GNB5: variants seen among roughly 807,000 people sequenced by gnomAD.
The protein encoded by GNB5 is G protein subunit beta 5.
A neutral mutation model predicts 55.3 loss-of-function variants in GNB5; 37 were observed. The ratio of observed to expected loss-of-function variants is 0.67; its 90% CI spans 0.51 to 0.88. The LOEUF is 0.88. Among genes scored for constraint, GNB5 ranks in the 40% least tolerant of loss-of-function variants. The probability of loss-of-function intolerance (pLI) is 0.00; values close to 1 mark genes in which losing one functional copy is unlikely to be tolerated. For synonymous variants in GNB5, 219 were observed against 198.5 expected (o/e 1.10, Z -0.87); for missense variants, 476 against 515.3 (o/e 0.92, Z 0.74).
chr15:52,162,556 A>G (rs1253066109), intron 3 of GNB5, among the ~76,000 whole-genome samples: 2 of 152,360 alleles, frequency 1.3e-5, no homozygotes, highest in African/African-American at 4.8e-5. Flanking sequence ...CTTAAATAGC[A>G]AAACAAAACT....
intron 3 of GNB5, among the ~76,000 whole-genome samples, chr15:52,163,527 C>T (rs948866608): frequency 2.6e-5 from 4 of 152,214 alleles, no homozygotes; most frequent in African/African-American, 9.7e-5. Flanking sequence ...CTCTGCAGCT[C>T]AAGTAGGCCA....
chr15:52,171,288 A>C (rs12595160), intron 3 of GNB5, among the ~76,000 whole-genome samples: 21,014 of 152,108 alleles, frequency 0.14, 1,829 homozygotes, highest in Admixed American at 0.26. Context: ...ATTGTGCTGA[A>C]TGTTAAAACT....
chr15:52,167,283 T>C (rs902210551), intron 3 of GNB5, among the ~76,000 whole-genome samples: 8 of 152,184 alleles, frequency 5.3e-5, no homozygotes, highest in African/African-American at 1.7e-4. Flanking sequence ...TCTGAAACTA[T>C]TCTAAACAAT....
chr15:52,177,732 G>A (rs1055877115), intron 3 of GNB5, among the ~76,000 whole-genome samples: 5 of 152,142 alleles, frequency 3.3e-5, no homozygotes, highest in African/African-American at 1.2e-4. Context: ...AAGGGGAAGA[G>A]GTCAATACAG....
At chr15:52,177,484 C>T (rs985951459) in intron 3 of GNB5, among the ~76,000 whole-genome samples, 2 of 151,338 alleles carry the variant, frequency 1.3e-5, no homozygotes, top group African/African-American at 4.8e-5. Flanking sequence ...ATGGTGAAGC[C>T]TACTAAAAAT....
Position 52,121,395 on chromosome 15 carries a change from A to T in GNB5, c.*1362T>A, listed in dbSNP as rs1596046309. 6.6e-6 allele frequency: 1 copy of T among 152,194 alleles called. No individual in the cohort carries two copies. The highest frequency in any genetic ancestry group is 1.9e-4 in the East Asian group (1 of 5,196). 9.4% of individuals were successfully genotyped at this position (152,194 alleles called of 1,614,324 possible). On this transcript the variant is annotated 3_prime_UTR_variant, in exon 13 of 13. Transcript: ENST00000261837. ...GAGAAGTTTTCTAAAGCAAAGAATA[A>T]GCATCTACATCTTACAAAAAAACAA...
At chr15:52,137,639 G>A (rs2033756011) in intron 7 of GNB5, 4 of 1,146,732 alleles carry the variant, frequency 3.5e-6, no homozygotes, top group South Asian at 1.8e-5. Flanking sequence ...GGACAGGGCT[G>A]GAATTTTACT....
chr15:52,189,086 A>G (rs920969750), intron 1 of GNB5, among the ~76,000 whole-genome samples: 3 of 152,236 alleles, frequency 2.0e-5, no homozygotes, highest in Admixed American at 6.5e-5. Context: ...CATAGGGTAT[A>G]TCCAGTTTTT....
chr15:52,139,124 T>A (rs1038149179), intron 7 of GNB5: 1 of 152,154 alleles, frequency 6.6e-6, no homozygotes, highest in African/African-American at 2.4e-5. Flanking sequence ...TGTATCAGCA[T>A]CATCCATGAA....
At position 52,153,826 on chromosome 15, in the gene GNB5, G is replaced by A. The variant is rs193293281; in HGVS notation, c.375+114C>T. 1,401 of 855,882 alleles carry A rather than the reference G, an allele frequency of 1.6e-3. 4 individuals carry two copies. Among genetic ancestry groups the A allele is most frequent in the South Asian group, 2.3e-3 (125 of 54,934 alleles). 53.0% of individuals were successfully genotyped at this position (855,882 alleles called of 1,614,324 possible). A position where few individuals can be genotyped will look rare whatever the true frequency, so the allele number is the denominator to read the frequency against. The stretch of plus-strand genomic sequence containing the variant: ...TTTATGCTAAATCACATCCTTTGGA[G>A]AATGAGCAAAGTCACAAAGATCAGA... On this transcript the variant is annotated intron_variant, in intron 4 of 12. Coordinates refer to ENST00000261837, the MANE Select transcript of GNB5 (RefSeq NM_016194.4).
At position 52,125,935 on chromosome 15, in the gene GNB5, A is replaced by T. The variant is rs1381338669; in HGVS notation, c.1009+13T>A. 1 of 1,169,150 alleles carries T rather than the reference A, an allele frequency of 8.6e-7. No individual in the cohort carries two copies. Among genetic ancestry groups the T allele is most frequent in the African/African-American group, 1.5e-5 (1 of 66,498 alleles). 72.4% of individuals were successfully genotyped at this position (1,169,150 alleles called of 1,614,324 possible). ...TTACAGTCCTGGGAAAAGTTTCTGA[A>T]ATAAAATCTTACCACTGAGGGAGAA... On this transcript the variant is annotated intron_variant, in intron 11 of 12. Coordinates refer to ENST00000261837, the MANE Select transcript of GNB5 (RefSeq NM_016194.4).
intron 3 of GNB5, among the ~76,000 whole-genome samples, chr15:52,158,770 A>G (rs1178077388): frequency 6.6e-6 from 1 of 152,014 alleles, no homozygotes; most frequent in Non-Finnish European, 1.5e-5. Context: ...ATACAGCTCA[A>G]ACTCTTTCCT....
rs1555403954 is a variant in GNB5, at chr15:52,119,408, G to GGGA, written c.*3346_*3348dup. 7.2e-5 allele frequency: 3 copies of GGGA among 41,908 alleles called. No individual in the cohort carries two copies. Among genetic ancestry groups the GGGA allele is most frequent in the Admixed American group, 2.2e-4 (1 of 4,536 alleles). The allele number at this position is 41,908 out of a possible 1,614,324, so 2.6% of individuals were successfully genotyped here. On this transcript the variant is annotated 3_prime_UTR_variant, in exon 13 of 13. Transcript: ENST00000261837. ...AGATGGGAGGGAGGAGGAGATGGGA[G>GGGA]GGAGGAGATGGGAGGGAGGAGGAGG...
intron 9 of GNB5, chr15:52,128,574 T>C (rs2033487274): frequency 7.1e-6 from 4 of 561,164 alleles, no homozygotes; most frequent in Non-Finnish European, 1.4e-5. Context: ...GATAAGAAAG[T>C]GGTTATGAGC....
chr15:52,159,952 T>C (rs1418116468), intron 3 of GNB5, among the ~76,000 whole-genome samples: 5 of 135,916 alleles, frequency 3.7e-5, no homozygotes, highest in Admixed American at 1.4e-4. Flanking sequence ...AATTAGCTTC[T>C]TTTTTTTTTT....
intron 8 of GNB5, among the ~76,000 whole-genome samples, chr15:52,134,763 G>A (rs917271299): frequency 2.0e-5 from 3 of 152,056 alleles, no homozygotes; most frequent in South Asian, 4.1e-4. Flanking sequence ...CAGTGTGTGC[G>A]TCACTGTCCT....
At chr15:52,134,992 A>G (rs1188332880) in intron 8 of GNB5, among the ~76,000 whole-genome samples, 1 of 151,948 alleles carries the variant, frequency 6.6e-6, no homozygotes. Context: ...TGCGACTTAC[A>G]GTCAGGTAGC....
In GNB5 at chr15:52,147,451, C is replaced by T. The variant is rs1264102247; in HGVS notation, c.494+8G>A. 1.3e-6 allele frequency: 2 copies of T among 1,541,226 alleles called. No individual in the cohort carries two copies. Among genetic ancestry groups the T allele is most frequent in the East Asian group, 2.2e-5 (1 of 44,506 alleles). On this transcript the variant is annotated splice_region_variant and intron_variant, in intron 6 of 12. Transcript: ENST00000261837. ...AAATTCTGAAAAGCTGCTGTAGCTC[C>T]AACTTACCCACAAGCAATGGCACAT...
chr15:52,171,871 C>G (rs1408897183), intron 3 of GNB5, among the ~76,000 whole-genome samples: 1 of 152,132 alleles, frequency 6.6e-6, no homozygotes, highest in Non-Finnish European at 1.5e-5. Context: ...GATAATACAT[C>G]CTTCTATCAA....
Sources: allele counts gnomAD v4.1 joint callset (sites outside exome capture counted in the v4.1 genomes callset), GRCh38; gene constraint gnomAD v4.1.1; transcripts MANE v1.5; gene names NCBI Gene and HGNC (gene_info 2026-07-23, HGNC 2026-07-21).